The following CDYL2 variants were observed in gnomAD, a reference collection of about 807,000 sequenced individuals.
CDYL2 encodes the protein chromodomain Y-like protein 2.
Under a neutral mutation model 49.4 loss-of-function variants are expected in CDYL2, and 23 were observed. The ratio of observed to expected loss-of-function variants is 0.47; its 90% CI spans 0.34 to 0.66. The LOEUF (loss-of-function observed/expected upper bound fraction) is 0.66. CDYL2 is among the 30% of genes least tolerant of loss of function. The pLI, the probability that CDYL2 is intolerant of heterozygous loss-of-function variation, is 0.01. For missense variants in CDYL2, 678 were observed against 656.4 expected (o/e 1.03, Z -0.36); for synonymous variants, 360 against 268.8 (o/e 1.34, Z -3.32).
chr16:80,636,508 C>A (rs1433339799), intron 2 of CDYL2, among the ~76,000 whole-genome samples: 2 of 152,122 alleles, frequency 1.3e-5, no homozygotes, highest in Non-Finnish European at 2.9e-5. Context: ...CAATGAGATG[C>A]CATCTCACGC....
intron 2 of CDYL2, among the ~76,000 whole-genome samples, chr16:80,636,478 A>G (rs1907829873): frequency 6.6e-6 from 1 of 152,268 alleles, no homozygotes; most frequent in South Asian, 2.1e-4. Context: ...CGGTCATTAC[A>G]GAAATGCAAA....
At chr16:80,621,855 G>T (rs1188497474) in intron 3 of CDYL2, among the ~76,000 whole-genome samples, 1 of 152,146 alleles carries the variant, frequency 6.6e-6, no homozygotes, top group Non-Finnish European at 1.5e-5. Flanking sequence ...GGGCAGGACA[G>T]AATTTGGGAG....
intron 1 of CDYL2, among the ~76,000 whole-genome samples, chr16:80,693,375 A>C (rs2142490122): frequency 6.6e-6 from 1 of 152,332 alleles, no homozygotes; most frequent in Admixed American, 6.5e-5. Context: ...AGATGGAAAT[A>C]AGGTCTATAT....
chr16:80,739,845 C>T (rs74030411), intron 1 of CDYL2, among the ~76,000 whole-genome samples: 3,551 of 152,296 alleles, frequency 0.023, 143 homozygotes, highest in African/African-American at 0.082. Flanking sequence ...CTGCTGTCCA[C>T]GGCAGGCCAA....
chr16:80,739,035 A>T (rs1259501018), intron 1 of CDYL2, among the ~76,000 whole-genome samples: 3 of 152,270 alleles, frequency 2.0e-5, no homozygotes, highest in African/African-American at 7.2e-5. Context: ...ATGGATAAAC[A>T]AAACGTGGTA....
At chr16:80,626,637 A>G (rs1227548425) in intron 3 of CDYL2, among the ~76,000 whole-genome samples, 6 of 152,248 alleles carry the variant, frequency 3.9e-5, no homozygotes, top group Non-Finnish European at 7.3e-5. Flanking sequence ...TAGTGATAGA[A>G]AACAAGGCAT....
intron 1 of CDYL2, among the ~76,000 whole-genome samples, chr16:80,750,392 G>A (rs1906090245): frequency 1.4e-5 from 2 of 146,674 alleles, no homozygotes; most frequent in Non-Finnish European, 1.5e-5. Context: ...ACAGTAGACT[G>A]GATCCAAAAA....
At chr16:80,658,168 G>A (rs1334704609) in intron 2 of CDYL2, among the ~76,000 whole-genome samples, 6 of 151,744 alleles carry the variant, frequency 4.0e-5, no homozygotes, top group Non-Finnish European at 8.8e-5. Context: ...TATCACAAGT[G>A]GTTGGCAGGG....
intron 1 of CDYL2, among the ~76,000 whole-genome samples, chr16:80,720,276 T>C (rs1357455594): frequency 1.3e-5 from 2 of 152,094 alleles, no homozygotes; most frequent in Non-Finnish European, 2.9e-5. Flanking sequence ...AAAGCACCTA[T>C]AGTCATCGGC....
At chr16:80,785,842 G>A (rs530868355) in intron 1 of CDYL2, among the ~76,000 whole-genome samples, 17 of 152,246 alleles carry the variant, frequency 1.1e-4, no homozygotes, top group African/African-American at 3.1e-4. Flanking sequence ...TGACCAACCC[G>A]ACACACAAAA....
At chr16:80,616,908 A>G (rs13329835) in intron 4 of CDYL2, among the ~76,000 whole-genome samples, 51,907 of 152,116 alleles carry the variant, frequency 0.34, 11,979 homozygotes, top group African/African-American at 0.66. Flanking sequence ...GCTAATAGGC[A>G]CAGAGAGATC....
At chr16:80,683,451 G>A (rs2142473018) in intron 2 of CDYL2, among the ~76,000 whole-genome samples, 2 of 152,298 alleles carry the variant, frequency 1.3e-5, no homozygotes, top group African/African-American at 4.8e-5. Context: ...GAACTACATG[G>A]GTCATCACCT....
At chr16:80,783,687 A>G (rs997133329) in intron 1 of CDYL2, among the ~76,000 whole-genome samples, 4 of 152,238 alleles carry the variant, frequency 2.6e-5, no homozygotes, top group African/African-American at 7.2e-5. Context: ...CTCTGATTTA[A>G]TGAGTCAGAT....
At chr16:80,724,750 T>C (rs1182568782) in intron 1 of CDYL2, among the ~76,000 whole-genome samples, 1 of 152,226 alleles carries the variant, frequency 6.6e-6, no homozygotes, top group East Asian at 1.9e-4. Context: ...ACTAACACTG[T>C]GAATTACATC....
chr16:80,608,663 G>C (rs948364028), intron 5 of CDYL2, among the ~76,000 whole-genome samples: 1 of 152,158 alleles, frequency 6.6e-6, no homozygotes, highest in Non-Finnish European at 1.5e-5. Flanking sequence ...GGGGTTTCCA[G>C]CTGCAGGTGT....
At chr16:80,721,106 C>G (rs887516129) in intron 1 of CDYL2, among the ~76,000 whole-genome samples, 4 of 152,116 alleles carry the variant, frequency 2.6e-5, no homozygotes, top group African/African-American at 9.7e-5. Flanking sequence ...CTCAGTGCCC[C>G]CACTTCTTGA....
At chr16:80,665,663 T>C (rs1402394317) in intron 2 of CDYL2, among the ~76,000 whole-genome samples, 2 of 151,624 alleles carry the variant, frequency 1.3e-5, no homozygotes, top group African/African-American at 4.9e-5. Context: ...GGTGGTGAAG[T>C]GGGAGGGAAT....
rs113656106 is a variant in CDYL2, at chr16:80,623,910, G to A, written c.835-2975C>T. Among the ~76,000 whole-genome samples the A allele has an allele frequency of 3.2e-4, 48 of 152,252 alleles. 2 individuals are homozygous for A. Among genetic ancestry groups the A allele is most frequent in the Middle Eastern group, 3.4e-3 (1 of 294 alleles). On this transcript the variant is annotated intron_variant, in intron 3 of 6. Transcript: ENST00000570137. Reference sequence around the variant, plus strand: ...AGGAAATGAGCTCTGTGATGCCCAGGGGAAAGCAGATCCTTCTCCCCTCCC... The same window carrying A: ...AGGAAATGAGCTCTGTGATGCCCAGAGGAAAGCAGATCCTTCTCCCCTCCC...
chr16:80,723,205 C>T (rs1905056811), intron 1 of CDYL2, among the ~76,000 whole-genome samples: 1 of 152,216 alleles, frequency 6.6e-6, no homozygotes, highest in Non-Finnish European at 1.5e-5. Flanking sequence ...AAGAAGCCAT[C>T]TCAAGGCATC....
Sources: allele counts gnomAD v4.1 joint callset (sites outside exome capture counted in the v4.1 genomes callset), GRCh38; gene constraint gnomAD v4.1.1; transcripts MANE v1.5; gene names NCBI Gene and HGNC (gene_info 2026-07-23, HGNC 2026-07-21).